VTA1: variants seen among roughly 807,000 people sequenced by gnomAD.
VTA1 encodes the protein vesicle trafficking 1.
Under a neutral mutation model 36.9 loss-of-function variants are expected in VTA1, and 24 were observed. The ratio of observed to expected loss-of-function variants is 0.65; its 90% CI spans 0.47 to 0.91. The LOEUF is 0.91. Ranked by LOEUF, VTA1 falls within the 40% of genes least tolerant of loss-of-function variation. The probability of loss-of-function intolerance (pLI) is 0.00; values close to 1 mark genes in which losing one functional copy is unlikely to be tolerated. For missense variants in VTA1, 393 were observed against 377.2 expected (o/e 1.04, Z -0.35); for synonymous variants, 142 against 130.2 (o/e 1.09, Z -0.62).
chr6:142,183,973 T>C (rs1413956303), intron 4 of VTA1, among the ~76,000 whole-genome samples: 1 of 152,188 alleles, frequency 6.6e-6, no homozygotes, highest in African/African-American at 2.4e-5. Context: ...ATATTAGGAC[T>C]GAAAGAACCT....
chr6:142,174,867 G>A (rs886769565), intron 4 of VTA1, among the ~76,000 whole-genome samples: 10 of 152,246 alleles, frequency 6.6e-5, no homozygotes, highest in South Asian at 4.1e-4. Flanking sequence ...CTTGCGACAC[G>A]CTGGCTTCCT....
At chr6:142,159,812 C>T (rs183256771) in intron 1 of VTA1, among the ~76,000 whole-genome samples, 29 of 151,858 alleles carry the variant, frequency 1.9e-4, no homozygotes, top group Non-Finnish European at 3.4e-4. Context: ...CGTGCCCGGC[C>T]GATATATATT....
At chr6:142,157,548 TTA>T (rs1778685314) in intron 1 of VTA1, among the ~76,000 whole-genome samples, 1 of 152,148 alleles carries the variant, frequency 6.6e-6, no homozygotes. Flanking sequence ...TTACATCTCT[TTA>T]GAAAAAACCG....
chr6:142,148,990 A>G (rs1167745800), intron 1 of VTA1, among the ~76,000 whole-genome samples: 2 of 152,206 alleles, frequency 1.3e-5, no homozygotes, highest in Non-Finnish European at 2.9e-5. Context: ...CGATCCCTGT[A>G]TCATGTATCT....
At position 142,198,494 on chromosome 6, in the gene VTA1, G is replaced by T; in HGVS notation, c.576G>T (p.Gln192His). Reference protein sequence around the residue: ...GAASLPTQPTQPSSSSTYDPS... With the variant: ...GAASLPTQPTHPSSSSTYDPS... ...CCTCTCTGCCCACTCAGCCAACTCA[G>T]CCATCATCATCTTCAACTTATGACC... The change falls in exon 6 of 8, where the codon CAG becomes CAT. Residue 192 changes from glutamine to histidine, a missense_variant. Transcript: ENST00000367630. 1.2e-6 allele frequency: 2 copies of T among 1,614,086 alleles called. No homozygotes were observed. Among genetic ancestry groups the T allele is most frequent in the Non-Finnish European group, 1.7e-6 (2 of 1,179,974 alleles).
chr6:142,207,075 G>T (rs370683935), intron 7 of VTA1, among the ~76,000 whole-genome samples: 25 of 152,198 alleles, frequency 1.6e-4, no homozygotes, highest in Admixed American at 1.2e-3. Context: ...CACTGAGATT[G>T]ACACCAGCAA....
rs755576896 is a variant in VTA1 at position 142,218,570 on chromosome 6, A to G, written c.851A>G (p.Gln284Arg). 1.2e-6 allele frequency: 2 copies of G among 1,613,722 alleles called. No individual in the cohort carries two copies. The highest frequency in any genetic ancestry group is 2.2e-5 in the South Asian group (2 of 91,006). Reference sequence around the variant, plus strand: ...TGCAAATATGCTGGCAGTGCTTTGCAGTATGAAGATGTAAGCACTGCTGTC... The same window carrying G: ...TGCAAATATGCTGGCAGTGCTTTGCGGTATGAAGATGTAAGCACTGCTGTC... ...KYCKYAGSALQYEDVSTAVQN... is the reference protein window; with the variant it reads ...KYCKYAGSALRYEDVSTAVQN... Residue 284 changes from glutamine (Q) to arginine (R), a missense_variant, in exon 8 of 8, where the codon CAG (glutamine) becomes CGG (arginine). Physicochemically the swap from Gln to Arg is conservative, Grantham distance 43 (BLOSUM62 1). Transcript: ENST00000367630.
At chr6:142,211,953 T>G (rs1315801627) in intron 7 of VTA1, among the ~76,000 whole-genome samples, 1 of 151,978 alleles carries the variant, frequency 6.6e-6, no homozygotes, top group Non-Finnish European at 1.5e-5. Flanking sequence ...AAAATGCAAA[T>G]TAGAACAATG....
chr6:142,187,647 G>A (rs1209157556), intron 4 of VTA1, among the ~76,000 whole-genome samples: 2 of 152,230 alleles, frequency 1.3e-5, no homozygotes, highest in African/African-American at 4.8e-5. Flanking sequence ...CATTTGTGAA[G>A]TGGAGCAAAA....
intron 7 of VTA1, among the ~76,000 whole-genome samples, chr6:142,208,524 T>C (rs531660709): frequency 6.6e-6 from 1 of 152,194 alleles, no homozygotes; most frequent in African/African-American, 2.4e-5. Flanking sequence ...AAAGAAATAA[T>C]AACAGAAAAC....
At chr6:142,191,006 A>G (rs1001125747) in intron 5 of VTA1, among the ~76,000 whole-genome samples, 6 of 152,156 alleles carry the variant, frequency 3.9e-5, no homozygotes, top group African/African-American at 9.7e-5. Flanking sequence ...CCAATTTTAC[A>G]TTGTGTGATA....
chr6:142,166,049 T>A (rs558813006), intron 1 of VTA1, among the ~76,000 whole-genome samples, 179 bp from the exon 2 acceptor site: 3 of 152,118 alleles, frequency 2.0e-5, no homozygotes, highest in African/African-American at 7.2e-5. Flanking sequence ...ATCATGAATG[T>A]CTTGCATTCT....
chr6:142,212,740 G>C (rs1775928395), intron 7 of VTA1, among the ~76,000 whole-genome samples: 1 of 152,166 alleles, frequency 6.6e-6, no homozygotes, highest in Non-Finnish European at 1.5e-5. Context: ...AGGAGAAGCA[G>C]GCATCTTCCT....
At chr6:142,198,119 A>ATATG (rs1315222547) in intron 5 of VTA1, among the ~76,000 whole-genome samples, 59 of 98,246 alleles carry the variant, frequency 6.0e-4, no homozygotes, top group African/African-American at 1.6e-3. Context: ...ATATATATAT[A>ATATG]TGTGTGTGTG....
chr6:142,150,269 CCT>C (rs1778542896), intron 1 of VTA1, among the ~76,000 whole-genome samples: 1 of 152,148 alleles, frequency 6.6e-6, no homozygotes, highest in South Asian at 2.1e-4. Flanking sequence ...TGACTTCTTT[CCT>C]TACAATTGTG....
Position 142,170,423 on chromosome 6 carries a change from T to C in VTA1, c.411+2T>C. 6.3e-7 allele frequency: 1 copy of C among 1,578,616 alleles called. No individual in the cohort carries two copies. Among genetic ancestry groups the C allele is most frequent in the Non-Finnish European group, 8.7e-7 (1 of 1,155,492 alleles). On this transcript the variant is annotated splice_donor_variant, in intron 4 of 7. Coordinates refer to ENST00000367630, the MANE Select transcript of VTA1 (RefSeq NM_016485.5). LOFTEE classifies it high-confidence loss of function. ...GTATTTGGAGAACTCACTGATGAAG[T>C]GAGTGTACATTCTTTATTGTCTTAT...
At chr6:142,211,710 CTT>C (rs1491456127) in intron 7 of VTA1, among the ~76,000 whole-genome samples, 1 of 114,932 alleles carries the variant, frequency 8.7e-6, no homozygotes. Flanking sequence ...GACTCCATCT[CTT>C]AAAAAAAAAA....
chr6:142,163,680 A>G (rs11969120), intron 1 of VTA1, among the ~76,000 whole-genome samples: 4,134 of 152,188 alleles, frequency 0.027, 188 homozygotes, highest in African/African-American at 0.093. Flanking sequence ...AGATTTTGGT[A>G]GAAGGCATGG....
chr6:142,158,307 G>A (rs1009592666), intron 1 of VTA1, among the ~76,000 whole-genome samples: 1 of 152,142 alleles, frequency 6.6e-6, no homozygotes, highest in African/African-American at 2.4e-5. Flanking sequence ...GTAAGACTCT[G>A]GAGCCACACT....
Sources: gnomAD v4.1 joint callset for allele counts (sites outside exome capture counted in the v4.1 genomes callset) on GRCh38, gnomAD v4.1.1 for gene constraint, MANE v1.5 for transcripts, NCBI Gene and HGNC (gene_info 2026-07-23, HGNC 2026-07-21) for gene names.